The following MGAT5 variants were observed in gnomAD, a reference collection of about 807,000 sequenced individuals.
MGAT5 encodes the protein alpha-1,6-mannosylglycoprotein 6-beta-N-acetylglucosaminyltransferase A.
MGAT5 carries 30 observed loss-of-function variants against 94.3 expected under a neutral mutation model. The ratio of observed to expected loss-of-function variants is 0.32; its 90% CI spans 0.24 to 0.43. The LOEUF (loss-of-function observed/expected upper bound fraction) is 0.43. Among genes scored for constraint, MGAT5 ranks in the 20% least tolerant of loss-of-function variants. MGAT5 has a pLI of 1.00. For missense variants in MGAT5, 691 were observed against 905.5 expected, an observed-to-expected ratio of 0.76 and a Z score of 3.04; for synonymous variants, 310 against 322.9, an observed-to-expected ratio of 0.96 and a Z score of 0.43.
chr2:134,381,400 A>AAGATAAGATAAGATAGATTAGATG (rs1681584826), intron 10 of MGAT5, among the ~76,000 whole-genome samples: 1 of 79,350 alleles, frequency 1.3e-5, no homozygotes, highest in African/African-American at 4.7e-5. Flanking sequence ...ATAGATAGAT[A>AAGATAAGATAAGATAGATTAGATG]GATAGATAGA....
upstream of MGAT5, among the ~76,000 whole-genome samples, chr2:134,253,797 C>A (rs1046017148): frequency 1.4e-4 from 21 of 152,164 alleles, no homozygotes; most frequent in African/African-American, 5.1e-4. Context: ...CTAGTTACCC[C>A]CAAGGGGGCA....
intron 1 of MGAT5, among the ~76,000 whole-genome samples, chr2:134,122,438 G>T (rs1260513356): frequency 6.6e-6 from 1 of 152,104 alleles, no homozygotes; most frequent in Non-Finnish European, 1.5e-5. Context: ...GAGCTTTTTA[G>T]TTTTTTCCAG....
intron 1 of MGAT5, among the ~76,000 whole-genome samples, chr2:134,154,739 C>T (rs959952982): frequency 6.6e-6 from 1 of 152,168 alleles, no homozygotes; most frequent in African/African-American, 2.4e-5. Context: ...TCTAGAAACA[C>T]GAGCCATCCT....
At chr2:134,260,774 T>C (rs1317367986) in intron 1 of MGAT5, among the ~76,000 whole-genome samples, 1 of 150,218 alleles carries the variant, frequency 6.7e-6, no homozygotes, top group Non-Finnish European at 1.5e-5. Flanking sequence ...AAAGTAGAAA[T>C]CCCCTGCCCT....
rs376168242 is a variant in MGAT5 at position 134,336,202 on chromosome 2, A to C, written c.574-15A>C. ...TAGATGAAGCTGCATATTTAGTGTC[A>C]CTGATGCTTTTTAGGTTGAAAATTG... On this transcript the variant is annotated splice_polypyrimidine_tract_variant and intron_variant, in intron 4 of 15. Coordinates refer to ENST00000281923, the MANE Select transcript of MGAT5 (RefSeq NM_002410.5). 6.2e-7 allele frequency: 1 copy of C among 1,608,576 alleles called. No individual in the cohort carries two copies. Among genetic ancestry groups the C allele is most frequent in the South Asian group, 1.1e-5 (1 of 90,778 alleles).
chr2:134,234,201 G>A (rs1012842570), intron 1 of MGAT5, among the ~76,000 whole-genome samples: 5 of 152,164 alleles, frequency 3.3e-5, no homozygotes, highest in Admixed American at 2.0e-4. Context: ...GAAGGAAGCC[G>A]GGGATTGGGG....
At chr2:134,438,199 C>CCATGTTTAAGATATATA in intron 14 of MGAT5, among the ~76,000 whole-genome samples, 1 of 152,152 alleles carries the variant, frequency 6.6e-6, no homozygotes, top group South Asian at 2.1e-4. Context: ...CCTTTAGCCT[C>CCATGTTTAAGATATATA]CATGTTTAAG....
At chr2:134,127,080 G>T (rs571550524) in intron 1 of MGAT5, 1 of 154,470 alleles carries the variant, frequency 6.5e-6, no homozygotes, top group Non-Finnish European at 1.5e-5. Context: ...TACTTCCTTC[G>T]TCCCCTTTCC....
Position 134,451,314 on chromosome 2 carries a change from C to T in MGAT5, c.*2467C>T, listed in dbSNP as rs529810196. 6.6e-6 allele frequency: 1 copy of T among 152,282 alleles called. No individual in the cohort carries two copies. The highest frequency in any genetic ancestry group is 1.5e-5 in the Non-Finnish European group (1 of 68,092). 9.4% of individuals were successfully genotyped at this position (152,282 alleles called of 1,614,324 possible). A position where few individuals can be genotyped will look rare whatever the true frequency, so the allele number is the denominator to read the frequency against. ...TTAAAAATCCCTCTTTCATCCCCCC[C>T]AGTCCAGTATTGAGTGGAAGTGCGC... On this transcript the variant is annotated 3_prime_UTR_variant, in exon 16 of 16. Coordinates refer to ENST00000281923, the MANE Select transcript of MGAT5 (RefSeq NM_002410.5).
intron 1 of MGAT5, among the ~76,000 whole-genome samples, chr2:134,246,429 A>G (rs183317494): frequency 6.6e-6 from 1 of 152,264 alleles, no homozygotes; most frequent in African/African-American, 2.4e-5. Flanking sequence ...GATTTATTTT[A>G]GAAGAGAAAG....
chr2:134,300,303 A>G (rs1384913211), intron 2 of MGAT5, among the ~76,000 whole-genome samples: 1 of 152,166 alleles, frequency 6.6e-6, no homozygotes, highest in Non-Finnish European at 1.5e-5. Flanking sequence ...TCAAGATGGC[A>G]TGTTGTAAAT....
At position 134,170,221 on chromosome 2, in the gene MGAT5, A is replaced by G. The variant is rs77476976; in HGVS notation, c.-143+49930A>G. On this transcript the variant is annotated intron_variant, in intron 1 of 16. Coordinates refer to the MGAT5 transcript ENST00000409645. ...GCTGAGGATTGTTTTCTAGAAACAA[A>G]TCTTGACTGCACTTACTAGAGTTAC... Among the ~76,000 whole-genome samples, 866 of 152,348 alleles carry G rather than the reference A, an allele frequency of 5.7e-3. 10 individuals carry two copies. The highest frequency in any genetic ancestry group is 0.02 in the African/African-American group (819 of 41,574).
intron 1 of MGAT5, among the ~76,000 whole-genome samples, chr2:134,260,061 G>C (rs115955349): frequency 1.4e-5 from 2 of 146,732 alleles, no homozygotes; most frequent in African/African-American, 5.2e-5. Flanking sequence ...AAGGCACGGC[G>C]TATGCTAGGT....
intron 1 of MGAT5, among the ~76,000 whole-genome samples, chr2:134,123,513 C>T (rs186890310): frequency 1.3e-5 from 2 of 152,326 alleles, no homozygotes; most frequent in East Asian, 1.9e-4. Flanking sequence ...GCTTTAAGCG[C>T]AGTAGGGACT....
chr2:134,156,051 CT>C (rs1687462022), intron 1 of MGAT5, among the ~76,000 whole-genome samples: 1 of 152,130 alleles, frequency 6.6e-6, no homozygotes, highest in African/African-American at 2.4e-5. Flanking sequence ...CTCTCCTATA[CT>C]TTATGCTCCA....
intron 2 of MGAT5, among the ~76,000 whole-genome samples, chr2:134,297,732 C>CT (rs1285178371): frequency 1.3e-5 from 2 of 151,980 alleles, no homozygotes; most frequent in African/African-American, 4.8e-5. Context: ...TAACATCATA[C>CT]TTACTAGAAA....
chr2:134,313,228 C>A (rs930866074), intron 2 of MGAT5, among the ~76,000 whole-genome samples: 10 of 152,236 alleles, frequency 6.6e-5, no homozygotes, highest in Non-Finnish European at 4.4e-5. Flanking sequence ...TGTCTCCACG[C>A]CTCACAGGAA....
chr2:134,298,852 C>T (rs1040764319), intron 2 of MGAT5, among the ~76,000 whole-genome samples: 2 of 152,048 alleles, frequency 1.3e-5, no homozygotes, highest in Non-Finnish European at 2.9e-5. Flanking sequence ...GTATGAAAGA[C>T]GATTCCAGGC....
At chr2:134,330,782 A>G (rs890790197) in intron 4 of MGAT5, among the ~76,000 whole-genome samples, 2 of 152,136 alleles carry the variant, frequency 1.3e-5, no homozygotes, top group Non-Finnish European at 2.9e-5. Flanking sequence ...AGTTTTGATT[A>G]TACTTAAATC....
Sources: allele counts gnomAD v4.1 joint callset (sites outside exome capture counted in the v4.1 genomes callset), GRCh38; gene constraint gnomAD v4.1.1; transcripts MANE v1.5; gene names NCBI Gene and HGNC (gene_info 2026-07-23, HGNC 2026-07-21).